ZRANB3: variants seen among roughly 807,000 people sequenced by gnomAD.
ZRANB3 encodes DNA annealing helicase and endonuclease ZRANB3.
ZRANB3 carries 125 observed loss-of-function variants against 133.8 expected under a neutral mutation model. The observed-to-expected ratio is 0.93, with a 90% CI of 0.81 to 1.08. The LOEUF (loss-of-function observed/expected upper bound fraction) is 1.08, where lower values mean the gene tolerates loss of function less well. ZRANB3 is among the 50% of genes least tolerant of loss of function. The pLI is 0.00. For missense variants in ZRANB3, 1,229 were observed against 1,275.5 expected (o/e 0.96, Z 0.56); for synonymous variants, 387 against 432.7 (o/e 0.89, Z 1.31).
chr2:135,288,873 C>CGTGTGTGTGT (rs57200280), intron 8 of ZRANB3, among the ~76,000 whole-genome samples: 2,195 of 141,324 alleles, frequency 0.016, 59 homozygotes, highest in African/African-American at 0.051. Context: ...CTTCATTTAT[C>CGTGTGTGTGT]GTGTGTGTGT....
intron 2 of ZRANB3, among the ~76,000 whole-genome samples, chr2:135,488,407 T>C (rs1327908688): frequency 3.9e-5 from 6 of 151,974 alleles, no homozygotes; most frequent in African/African-American, 9.7e-5. Flanking sequence ...ACCACAAACC[T>C]TCAACTTGTA....
chr2:135,503,089 G>GT (rs1693017406), intron 2 of ZRANB3, among the ~76,000 whole-genome samples: 1 of 152,134 alleles, frequency 6.6e-6, no homozygotes. Flanking sequence ...AGGGAATGAA[G>GT]TAACTTTCTA....
intron 2 of ZRANB3, among the ~76,000 whole-genome samples, chr2:135,502,206 C>T (rs1415505953): frequency 6.6e-6 from 1 of 152,072 alleles, no homozygotes; most frequent in East Asian, 1.9e-4. Flanking sequence ...TAAAAAATTT[C>T]CACTACTAAC....
intron 3 of ZRANB3, among the ~76,000 whole-genome samples, chr2:135,386,375 T>C (rs1426643612): frequency 6.6e-6 from 1 of 152,146 alleles, no homozygotes; most frequent in Non-Finnish European, 1.5e-5. Context: ...GAAATAGGAA[T>C]GCTTTAACAC....
chr2:135,217,503 C>T lies in ZRANB3; in HGVS notation c.2457G>A (p.Glu819=). ...LFCSPILALE[E]ITKQQTKQNC... ...TTTGTTTGGTTTGTTGCTTTGTGATCTCTTCCAAAGCAAGAATTGGGCTAC... is the reference window on the plus strand; with the variant it reads ...TTTGTTTGGTTTGTTGCTTTGTGATTTCTTCCAAAGCAAGAATTGGGCTAC... The change falls in exon 17 of 21, where the codon GAG becomes GAA. Residue 819 remains glutamate (E), a synonymous_variant. Transcript: ENST00000264159. 6.2e-7 allele frequency: 1 copy of T among 1,612,312 alleles called. No individual in the cohort carries two copies. The highest frequency in any genetic ancestry group is 8.5e-7 in the Non-Finnish European group (1 of 1,179,414).
intron 2 of ZRANB3, among the ~76,000 whole-genome samples, chr2:135,483,416 T>C (rs1318695273): frequency 6.6e-6 from 1 of 152,184 alleles, no homozygotes; most frequent in Non-Finnish European, 1.5e-5. Flanking sequence ...GAGGTGTTTG[T>C]AGTATTCTCT....
chr2:135,512,657 CATGCCAAAGT>C (rs1209130483), intron 1 of ZRANB3, among the ~76,000 whole-genome samples: 2 of 151,588 alleles, frequency 1.3e-5, no homozygotes, highest in African/African-American at 4.8e-5. Context: ...ACATATTATA[CATGCCAAAGT>C]ATAGCTAGTA....
At chr2:135,317,911 G>C (rs1683337666) in intron 6 of ZRANB3, among the ~76,000 whole-genome samples, 1 of 152,136 alleles carries the variant, frequency 6.6e-6, no homozygotes, top group African/African-American at 2.4e-5. Flanking sequence ...GTTCTAAAGA[G>C]TGGTGACAAT....
intron 2 of ZRANB3, among the ~76,000 whole-genome samples, chr2:135,480,894 T>A (rs1691764252): frequency 7.1e-6 from 1 of 141,028 alleles, no homozygotes; most frequent in Non-Finnish European, 1.5e-5. Flanking sequence ...GATAGTTTAC[T>A]GAGAATGATG....
chr2:135,293,096 A>G (rs1452892879), intron 8 of ZRANB3, among the ~76,000 whole-genome samples: 4 of 152,068 alleles, frequency 2.6e-5, no homozygotes, highest in Non-Finnish European at 5.9e-5. Flanking sequence ...TTGGTTCCAT[A>G]TGAACTTTAA....
chr2:135,252,390 A>G lies in ZRANB3; in HGVS notation c.1539+13144T>C, dbSNP rs180814072. 2.1e-3 allele frequency among the ~76,000 whole-genome samples: 317 copies of G among 152,324 alleles called. 4 individuals carry two copies. Among genetic ancestry groups the G allele is most frequent in the African/African-American group, 7.4e-3 (308 of 41,578 alleles). On this transcript the variant is annotated intron_variant, in intron 12 of 20. Transcript: ENST00000264159. ...AAAGATTAAAAAGATTATTTTGTAG[A>G]AAAAAATCCCATGACATCAAAAGTA...
chr2:135,303,522 C>T (rs1682544497), intron 8 of ZRANB3, among the ~76,000 whole-genome samples: 1 of 152,084 alleles, frequency 6.6e-6, no homozygotes. Flanking sequence ...GATCAACTGA[C>T]AATCTATGTG....
At chr2:135,495,986 A>C (rs1050098313) in intron 2 of ZRANB3, among the ~76,000 whole-genome samples, 4 of 152,210 alleles carry the variant, frequency 2.6e-5, no homozygotes, top group Non-Finnish European at 5.9e-5. Context: ...AATGAACTTG[A>C]GGTTTGAATT....
intron 3 of ZRANB3, among the ~76,000 whole-genome samples, chr2:135,374,325 GAACCC>G (rs1686321744): frequency 6.6e-6 from 1 of 151,978 alleles, no homozygotes; most frequent in Non-Finnish European, 1.5e-5. Flanking sequence ...AGAACTGCTT[GAACCC>G]AGGATTGGGA....
chr2:135,439,109 C>T (rs183544034), intron 2 of ZRANB3, among the ~76,000 whole-genome samples: 11 of 152,180 alleles, frequency 7.2e-5, no homozygotes, highest in African/African-American at 2.2e-4. Context: ...GAGCTTCTTC[C>T]TAAGTTTTTT....
At chr2:135,287,795 C>T (rs1681458991) in intron 8 of ZRANB3, among the ~76,000 whole-genome samples, 1 of 149,032 alleles carries the variant, frequency 6.7e-6, no homozygotes, top group South Asian at 2.2e-4. Flanking sequence ...TATCCTGAAA[C>T]TTTACTGAAT....
At chr2:135,298,905 G>T (rs952680574) in intron 8 of ZRANB3, among the ~76,000 whole-genome samples, 1 of 152,064 alleles carries the variant, frequency 6.6e-6, no homozygotes, top group East Asian at 1.9e-4. Flanking sequence ...TTTGGAGCAC[G>T]GTTGTTCTGA....
intron 4 of ZRANB3, among the ~76,000 whole-genome samples, chr2:135,351,178 G>T (rs1321889989): frequency 6.6e-6 from 1 of 151,876 alleles, no homozygotes; most frequent in Non-Finnish European, 1.5e-5. Flanking sequence ...TAACAGAAAA[G>T]GTAGAGCTCC....
chr2:135,458,803 C>G (rs1690639569), intron 2 of ZRANB3, among the ~76,000 whole-genome samples: 1 of 152,026 alleles, frequency 6.6e-6, no homozygotes, highest in South Asian at 2.1e-4. Context: ...GTGATATGTG[C>G]TAAATTTATT....
Sources: gnomAD v4.1 joint callset for allele counts (sites outside exome capture counted in the v4.1 genomes callset) on GRCh38, gnomAD v4.1.1 for gene constraint, MANE v1.5 for transcripts, NCBI Gene and HGNC (gene_info 2026-07-23, HGNC 2026-07-21) for gene names.